The following FGF14 variants were observed in gnomAD, a reference collection of about 807,000 sequenced individuals.
FGF14 encodes the protein fibroblast growth factor homologous factor 4.
Under a neutral mutation model 25.5 loss-of-function variants are expected in FGF14, and 5 were observed. The ratio of observed to expected loss-of-function variants is 0.20; its 90% CI spans 0.10 to 0.41. The LOEUF is 0.41. Ranked by LOEUF, FGF14 falls within the 10% of genes least tolerant of loss-of-function variation. The probability of loss-of-function intolerance (pLI) is 1.00; values close to 1 mark genes in which losing one functional copy is unlikely to be tolerated. For synonymous variants in FGF14, 138 were observed against 118.3 expected (o/e 1.17, Z -1.08); for missense variants, 222 against 320.1 (o/e 0.69, Z 2.34).
chr13:102,375,551 T>G (rs2058020281), intron 1 of FGF14, among the ~76,000 whole-genome samples: 1 of 152,164 alleles, frequency 6.6e-6, no homozygotes, highest in South Asian at 2.1e-4. Flanking sequence ...AAAACCCACC[T>G]TCTGAGTGAA....
At chr13:102,141,961 C>T (rs1447428006) in intron 1 of FGF14, among the ~76,000 whole-genome samples, 1 of 152,030 alleles carries the variant, frequency 6.6e-6, no homozygotes, top group African/African-American at 2.4e-5. Flanking sequence ...CATACTTCAC[C>T]GTGTACCATT....
At chr13:102,155,406 A>G (rs1172393005) in intron 1 of FGF14, among the ~76,000 whole-genome samples, 2 of 152,242 alleles carry the variant, frequency 1.3e-5, no homozygotes, top group Non-Finnish European at 2.9e-5. Flanking sequence ...CCTGCTCTGA[A>G]TGACTACTGG....
chr13:102,127,312 A>G (rs1368937056), intron 1 of FGF14, among the ~76,000 whole-genome samples: 1 of 152,210 alleles, frequency 6.6e-6, no homozygotes, highest in African/African-American at 2.4e-5. Flanking sequence ...TACACACATT[A>G]TCTTAACTTC....
At chr13:102,014,350 A>G (rs1382968348) in intron 1 of FGF14, among the ~76,000 whole-genome samples, 1 of 152,190 alleles carries the variant, frequency 6.6e-6, no homozygotes, top group African/African-American at 2.4e-5. Flanking sequence ...CAACTCTATA[A>G]TATTCAGTAT....
intron 1 of FGF14, among the ~76,000 whole-genome samples, chr13:102,274,092 C>G (rs2053387511): frequency 6.6e-6 from 1 of 152,136 alleles, no homozygotes; most frequent in Admixed American, 6.6e-5. Context: ...CTGTAGATAT[C>G]ATGTGGAAAA....
chr13:102,280,136 C>T (rs565792266), intron 1 of FGF14, among the ~76,000 whole-genome samples: 10 of 152,254 alleles, frequency 6.6e-5, no homozygotes, highest in African/African-American at 2.4e-4. Context: ...TCACTCAGTT[C>T]AAATAACAGT....
At chr13:102,148,967 CACAA>C in intron 1 of FGF14, among the ~76,000 whole-genome samples, 1 of 152,268 alleles carries the variant, frequency 6.6e-6, no homozygotes, top group East Asian at 1.9e-4. Flanking sequence ...CATGTATACA[CACAA>C]ACACACTTTT....
chr13:102,086,246 G>C (rs1486921519), intron 1 of FGF14, among the ~76,000 whole-genome samples: 1 of 152,132 alleles, frequency 6.6e-6, no homozygotes, highest in Non-Finnish European at 1.5e-5. Flanking sequence ...GGGTTAAGAA[G>C]TGCTTCGGTC....
In FGF14 at chr13:101,995,524, G is replaced by A. The variant is rs536537597; in HGVS notation, c.209-120228C>T. Among the ~76,000 whole-genome samples, 6 of 152,180 alleles carry A rather than the reference G, an allele frequency of 3.9e-5. No individual in the cohort carries two copies. In the South Asian group the frequency reaches 1.0e-3, roughly 26 times the overall value. On this transcript the variant is annotated intron_variant, in intron 1 of 4. Transcript: ENST00000376131. ...TCTAATACTTAATTCAGTTTAACAAGCATGTAAGTACATTATCTTACCAAT... is the reference window on the plus strand; with the variant it reads ...TCTAATACTTAATTCAGTTTAACAAACATGTAAGTACATTATCTTACCAAT...
intron 1 of FGF14, among the ~76,000 whole-genome samples, chr13:101,907,011 T>C (rs1254809859): frequency 1.3e-5 from 2 of 152,168 alleles, no homozygotes; most frequent in African/African-American, 2.4e-5. Flanking sequence ...ATATTTATCA[T>C]TAAGCAAACT....
chr13:101,753,087 A>G (rs924563777), intron 3 of FGF14, among the ~76,000 whole-genome samples: 7 of 152,132 alleles, frequency 4.6e-5, no homozygotes, highest in Admixed American at 2.0e-4. Context: ...ATGACCCCCT[A>G]ATAAAAGCAG....
chr13:101,947,634 T>C (rs933596287), intron 1 of FGF14, among the ~76,000 whole-genome samples: 1 of 152,062 alleles, frequency 6.6e-6, no homozygotes, highest in African/African-American at 2.4e-5. Flanking sequence ...GAGCTAACCA[T>C]TGAGTACACA....
intron 1 of FGF14, among the ~76,000 whole-genome samples, chr13:102,155,486 C>A (rs996645841): frequency 5.3e-5 from 8 of 151,268 alleles, no homozygotes; most frequent in Non-Finnish European, 8.8e-5. Flanking sequence ...CACAACATAC[C>A]AGAATCTCTG....
intron 3 of FGF14, among the ~76,000 whole-genome samples, chr13:101,836,943 T>C (rs1017915575): frequency 2.6e-4 from 39 of 152,064 alleles, no homozygotes; most frequent in African/African-American, 8.4e-4. Context: ...TCACCCACAA[T>C]TTTTTAATTA....
chr13:101,733,842 TTAAA>T (rs2035988642), intron 3 of FGF14, among the ~76,000 whole-genome samples: 1 of 151,496 alleles, frequency 6.6e-6, no homozygotes, highest in African/African-American at 2.4e-5. Context: ...AATTTATTTA[TTAAA>T]TATTATATGT....
intron 1 of FGF14, among the ~76,000 whole-genome samples, chr13:102,338,456 A>T (rs992221552): frequency 6.6e-6 from 1 of 152,206 alleles, no homozygotes; most frequent in Non-Finnish European, 1.5e-5. Flanking sequence ...CCAACCAAAA[A>T]TGATCTGGCT....
chr13:101,748,526 G>A (rs937744953), intron 3 of FGF14, among the ~76,000 whole-genome samples: 2 of 151,266 alleles, frequency 1.3e-5, no homozygotes, highest in African/African-American at 4.9e-5. Flanking sequence ...TTCTTTAATG[G>A]GTACAACGTA....
rs187756077 is a variant in FGF14 at position 101,825,087 on chromosome 13, T to C, written c.408+43638A>G. 1.2e-4 allele frequency among the ~76,000 whole-genome samples: 18 copies of C among 152,294 alleles called. 1 individual carries two copies. The highest frequency in any genetic ancestry group is 8.5e-4 in the Admixed American group (13 of 15,300). On this transcript the variant is annotated intron_variant, in intron 3 of 4. Transcript: ENST00000376143. ...TTTCCCTGAGTTCTGTAAACCACTCTAGCAACTGATGGAACCTGAGGAAGA... is the reference window on the plus strand; with the variant it reads ...TTTCCCTGAGTTCTGTAAACCACTCCAGCAACTGATGGAACCTGAGGAAGA...
chr13:102,391,523 TA>T (rs2058432841), intron 1 of FGF14, among the ~76,000 whole-genome samples: 4 of 152,380 alleles, frequency 2.6e-5, no homozygotes, highest in African/African-American at 9.6e-5. Context: ...ACTGCATCAT[TA>T]AAATATCTCT....
Sources: gnomAD v4.1 joint callset for allele counts (sites outside exome capture counted in the v4.1 genomes callset) on GRCh38, gnomAD v4.1.1 for gene constraint, MANE v1.5 for transcripts, NCBI Gene and HGNC (gene_info 2026-07-23, HGNC 2026-07-21) for gene names.